Variants in PID1 observed in about 807,000 individuals in gnomAD.
PID1 encodes the protein PTB-containing, cubilin and LRP1-interacting protein.
A neutral mutation model predicts 19.1 loss-of-function variants in PID1; 10 were observed. The ratio of observed to expected loss-of-function variants is 0.52; its 90% CI spans 0.32 to 0.89. The LOEUF (loss-of-function observed/expected upper bound fraction) is 0.89. PID1 is among the 40% of genes least tolerant of loss of function. The pLI is 0.03. For synonymous variants in PID1, 130 were observed against 116.0 expected, an observed-to-expected ratio of 1.12 and a Z score of -0.78; for missense variants, 248 against 285.3, an observed-to-expected ratio of 0.87 and a Z score of 0.94.
intron 1 of PID1, among the ~76,000 whole-genome samples, chr2:229,270,589 T>C (rs1690707646): frequency 6.6e-6 from 1 of 150,482 alleles, no homozygotes; most frequent in South Asian, 2.1e-4. Context: ...TTCCACATTA[T>C]ATTGGCAAAT....
At chr2:229,186,197 G>C (rs1383728387) in intron 1 of PID1, among the ~76,000 whole-genome samples, 5 of 152,202 alleles carry the variant, frequency 3.3e-5, no homozygotes, top group South Asian at 2.1e-4. Flanking sequence ...CTATGGTCTT[G>C]GGCAGCTCCA....
intron 2 of PID1, among the ~76,000 whole-genome samples, chr2:229,154,604 A>T (rs542671672): frequency 6.6e-6 from 1 of 152,308 alleles, no homozygotes; most frequent in South Asian, 2.1e-4. Flanking sequence ...TTTTGTGCAT[A>T]CCACCATCAC....
At chr2:229,212,361 T>A (rs1436704717) in intron 1 of PID1, among the ~76,000 whole-genome samples, 1 of 152,194 alleles carries the variant, frequency 6.6e-6, no homozygotes, top group East Asian at 1.9e-4. Flanking sequence ...TGCCACGTGC[T>A]GCACACTGTC....
intron 1 of PID1, among the ~76,000 whole-genome samples, chr2:229,210,525 CAAAAAAAAAA>C (rs1170895327): frequency 2.6e-4 from 4 of 15,548 alleles, no homozygotes; most frequent in South Asian, 6.8e-3. Flanking sequence ...AGTTTTGTCT[CAAAAAAAAAA>C]AAAAAAAAAA....
intron 1 of PID1, chr2:229,262,591 T>C: frequency 4.1e-6 from 6 of 1,479,630 alleles, no homozygotes; most frequent in Non-Finnish European, 5.4e-6. Context: ...CAAGAGGCTA[T>C]ATGGTTTCAC....
chr2:229,104,134 T>C (rs1424075659), intron 2 of PID1, among the ~76,000 whole-genome samples: 1 of 152,176 alleles, frequency 6.6e-6, no homozygotes, highest in African/African-American at 2.4e-5. Context: ...ATTTCTCAAG[T>C]CGGTCTCGGT....
chr2:229,131,139 A>G (rs1689729938), intron 2 of PID1, among the ~76,000 whole-genome samples: 1 of 152,152 alleles, frequency 6.6e-6, no homozygotes. Context: ...TTCAATTCTG[A>G]GGGGTCACGA....
chr2:229,251,490 A>G (rs1690149867), intron 1 of PID1, among the ~76,000 whole-genome samples: 1 of 152,106 alleles, frequency 6.6e-6, no homozygotes, highest in South Asian at 2.1e-4. Flanking sequence ...TTTGCCTTTC[A>G]TTTTGGCCAA....
chr2:229,117,390 C>G (rs1481739369), intron 2 of PID1, among the ~76,000 whole-genome samples: 2 of 152,078 alleles, frequency 1.3e-5, no homozygotes, highest in East Asian at 3.9e-4. Flanking sequence ...ATAAGATGTA[C>G]CATGCTTGTA....
chr2:229,091,883 T>G (rs1484305842), intron 2 of PID1, among the ~76,000 whole-genome samples: 1 of 152,218 alleles, frequency 6.6e-6, no homozygotes, highest in Non-Finnish European at 1.5e-5. Flanking sequence ...GAGTAACAAG[T>G]GTCTGCTGCC....
intron 2 of PID1, among the ~76,000 whole-genome samples, chr2:229,067,618 T>C (rs756570496): frequency 2.2e-4 from 34 of 152,104 alleles, no homozygotes; most frequent in Non-Finnish European, 4.7e-4. Context: ...CCATCCATAC[T>C]CCTCTGCCCT....
chr2:229,085,642 T>C (rs1055940061), intron 2 of PID1, among the ~76,000 whole-genome samples: 5 of 152,142 alleles, frequency 3.3e-5, no homozygotes, highest in African/African-American at 9.7e-5. Flanking sequence ...ATATGACATA[T>C]ACTTGTGATA....
intron 2 of PID1, among the ~76,000 whole-genome samples, chr2:229,150,358 C>A (rs781768766): frequency 1.3e-5 from 2 of 152,072 alleles, no homozygotes; most frequent in Non-Finnish European, 1.5e-5. Context: ...GAGAAGCAAC[C>A]CCCTGAAGCC....
intron 1 of PID1, among the ~76,000 whole-genome samples, chr2:229,202,704 A>C (rs1186623797): frequency 2.6e-5 from 4 of 152,134 alleles, no homozygotes. Context: ...TAATACTGAC[A>C]AAGTACATAA....
chr2:229,218,451 C>A (rs568995363), intron 1 of PID1, among the ~76,000 whole-genome samples: 2 of 152,254 alleles, frequency 1.3e-5, no homozygotes, highest in Admixed American at 1.3e-4. Flanking sequence ...ACTCTTCCCG[C>A]ACACGTTGCA....
At chr2:229,060,988 T>C (rs1694201714) in intron 2 of PID1, among the ~76,000 whole-genome samples, 1 of 152,096 alleles carries the variant, frequency 6.6e-6, no homozygotes, top group African/African-American at 2.4e-5. Flanking sequence ...GTTGTTTGAA[T>C]TCTTTATAAA....
At chr2:229,264,400 T>C (rs1353560069) in intron 1 of PID1, among the ~76,000 whole-genome samples, 1 of 152,102 alleles carries the variant, frequency 6.6e-6, no homozygotes, top group Non-Finnish European at 1.5e-5. Context: ...GTATGTCAAC[T>C]CAGACCATTT....
intron 1 of PID1, among the ~76,000 whole-genome samples, chr2:229,224,640 C>T (rs1345139624): frequency 1.3e-5 from 2 of 151,942 alleles, no homozygotes; most frequent in Non-Finnish European, 2.9e-5. Context: ...GTAGGCTTTT[C>T]AAAATGGACA....
chr2:229,144,007 T>A (rs1690073564), intron 2 of PID1, among the ~76,000 whole-genome samples: 1 of 152,094 alleles, frequency 6.6e-6, no homozygotes, highest in Admixed American at 6.6e-5. Flanking sequence ...CTGAATCAAA[T>A]AGGATCAGGT....
Sources: gnomAD v4.1 joint callset for allele counts (sites outside exome capture counted in the v4.1 genomes callset) on GRCh38, gnomAD v4.1.1 for gene constraint, MANE v1.5 for transcripts, NCBI Gene and HGNC (gene_info 2026-07-23, HGNC 2026-07-21) for gene names.